Variants in NETO2 observed in about 807,000 individuals in gnomAD.
NETO2 encodes the protein neuropilin and tolloid like 2, also known as neuropilin and tolloid-like protein 2.
Under a neutral mutation model 62.5 loss-of-function variants are expected in NETO2, and 28 were observed. The ratio of observed to expected loss-of-function variants is 0.45; its 90% CI spans 0.33 to 0.61. The LOEUF (loss-of-function observed/expected upper bound fraction) is 0.61, where lower values mean the gene tolerates loss of function less well. Among genes scored for constraint, NETO2 ranks in the 20% least tolerant of loss-of-function variants. The probability of loss-of-function intolerance (pLI) is 0.02; values close to 1 mark genes in which losing one functional copy is unlikely to be tolerated. For synonymous variants in NETO2, 214 were observed against 219.1 expected (o/e 0.98, Z 0.21); for missense variants, 548 against 643.2 (o/e 0.85, Z 1.60).
At chr16:47,114,547 T>C (rs1963871187) in intron 6 of NETO2, among the ~76,000 whole-genome samples, 1 of 145,940 alleles carries the variant, frequency 6.9e-6, no homozygotes, top group African/African-American at 2.5e-5. Flanking sequence ...GCCTCCCGGG[T>C]TCATGCCAGT....
At chr16:47,108,445 A>C (rs1038480782) in intron 7 of NETO2, among the ~76,000 whole-genome samples, 1 of 152,178 alleles carries the variant, frequency 6.6e-6, no homozygotes, top group African/African-American at 2.4e-5. Context: ...CAATAAGACA[A>C]AATGGTACCA....
At chr16:47,125,571 C>T (rs1480943895) in intron 4 of NETO2, among the ~76,000 whole-genome samples, 2 of 152,170 alleles carry the variant, frequency 1.3e-5, no homozygotes, top group Non-Finnish European at 2.9e-5. Flanking sequence ...ATCTCAAACT[C>T]CTGACCTCAT....
At chr16:47,101,813 C>T (rs902519678) in intron 7 of NETO2, among the ~76,000 whole-genome samples, 3 of 152,176 alleles carry the variant, frequency 2.0e-5, no homozygotes, top group Admixed American at 6.5e-5. Flanking sequence ...ACATTCCATG[C>T]TCATGGATAG....
At chr16:47,084,960 C>A (rs1159400493) in intron 8 of NETO2, among the ~76,000 whole-genome samples, 1 of 152,134 alleles carries the variant, frequency 6.6e-6, no homozygotes, top group African/African-American at 2.4e-5. Flanking sequence ...AAACCAACCC[C>A]CCTGCCCCAC....
At position 47,142,627 on chromosome 16, in the gene NETO2, C is replaced by A. The variant is rs1236562862; in HGVS notation, c.34+952G>T. Among the ~76,000 whole-genome samples the A allele has an allele frequency of 2.0e-5, 3 of 152,142 alleles. No homozygotes were observed. In the East Asian group the frequency reaches 5.8e-4, roughly 29 times the overall value. The stretch of plus-strand genomic sequence containing the variant: ...AAACACGTCAGCTTTCAATTTAAAT[C>A]AGCAGGGGGAAAAAGGGAAGTCCTT... On this transcript the variant is annotated intron_variant, in intron 1 of 8. Coordinates refer to ENST00000562435, the MANE Select transcript of NETO2 (RefSeq NM_018092.5).
intron 1 of NETO2, among the ~76,000 whole-genome samples, chr16:47,136,868 TTATGTA>T (rs1207030269): frequency 6.6e-6 from 1 of 151,780 alleles, no homozygotes; most frequent in Non-Finnish European, 1.5e-5. Flanking sequence ...AAAAGGTGAA[TTATGTA>T]TATATTTTGA....
rs750727689 is a variant in NETO2 at position 47,129,249 on chromosome 16, G to A, written c.207C>T (p.Asn69=). Residue 69 remains asparagine (N), a synonymous_variant, in exon 3 of 9, where the codon AAC becomes AAT. Transcript: ENST00000562435. The part of the protein sequence containing the change: ...SPNYPDSYPP[N]KECIYILEAA... ...CTTCCAAAATGTAGATACACTCCTT[G>A]TTTGGTGGATATGAGTCAGGATAAT... The A allele has an allele frequency of 3.1e-6, 5 of 1,613,872 alleles. No individual in the cohort carries two copies. In the Admixed American group the frequency reaches 8.3e-5, roughly 27 times the overall value.
At chr16:47,127,434 T>C (rs926106566) in intron 4 of NETO2, among the ~76,000 whole-genome samples, 4 of 151,456 alleles carry the variant, frequency 2.6e-5, no homozygotes, top group African/African-American at 7.3e-5. Context: ...TATGTATCTA[T>C]ACACACACAC....
chr16:47,078,424 TCTA>T lies in NETO2; in HGVS notation c.*4794_*4796del, dbSNP rs1304688245. ...CCTGGAAGTTCATCTCTAATAAAAA[TCTA>T]CTGCTTTTAAAAAGCTTACACTAGA... On this transcript the variant is annotated 3_prime_UTR_variant, in exon 9 of 9. Transcript: ENST00000562435. The T allele has an allele frequency of 3.9e-5, 6 of 152,214 alleles. No homozygotes were observed. The highest frequency in any genetic ancestry group is 1.4e-4 in the African/African-American group (6 of 41,450). The allele number at this position is 152,214 out of a possible 1,614,324, so 9.4% of individuals were successfully genotyped here.
intron 7 of NETO2, among the ~76,000 whole-genome samples, chr16:47,089,679 A>G (rs1460168195): frequency 6.6e-6 from 1 of 152,202 alleles, no homozygotes; most frequent in Admixed American, 6.5e-5. Context: ...ATGCCATCAT[A>G]TTGAGGGCTG....
Position 47,143,568 on chromosome 16 carries a change from C to T in NETO2, c.34+11G>A. ...GGGGGCGCCGTCCGTGGCCCCAGCC[C>T]CGGTCCTTACCTTTGAGGACCGAGC... On this transcript the variant is annotated intron_variant, in intron 1 of 8. Transcript: ENST00000562435. The T allele has an allele frequency of 8.2e-7, 1 of 1,223,382 alleles. No individual in the cohort carries two copies. 75.8% of individuals were successfully genotyped at this position (1,223,382 alleles called of 1,614,324 possible). A position where few individuals can be genotyped will look rare whatever the true frequency, so the allele number is the denominator to read the frequency against.
intron 6 of NETO2, among the ~76,000 whole-genome samples, chr16:47,121,881 T>C (rs534187322): frequency 6.6e-6 from 1 of 152,320 alleles, no homozygotes; most frequent in South Asian, 2.1e-4. Flanking sequence ...AGCTTACACA[T>C]ATGCTTTTAA....
In NETO2 at chr16:47,080,611, A is replaced by G. The variant is rs2143780876; in HGVS notation, c.*2610T>C. 1 of 152,372 alleles carries G rather than the reference A, an allele frequency of 6.6e-6. No individual in the cohort carries two copies. The highest frequency in any genetic ancestry group is 1.9e-4 in the East Asian group (1 of 5,196). 9.4% of individuals were successfully genotyped at this position (152,372 alleles called of 1,614,324 possible). A position where few individuals can be genotyped will look rare whatever the true frequency, so the allele number is the denominator to read the frequency against. On this transcript the variant is annotated 3_prime_UTR_variant, in exon 9 of 9. Coordinates refer to ENST00000562435, the MANE Select transcript of NETO2 (RefSeq NM_018092.5). ...AAGCATAGAGAAGTTTAATAAATAA[A>G]TGAGATCTAATGCCCATCTATGATT...
At chr16:47,089,181 C>T (rs980917596) in intron 7 of NETO2, among the ~76,000 whole-genome samples, 7 of 152,130 alleles carry the variant, frequency 4.6e-5, no homozygotes, top group African/African-American at 7.2e-5. Context: ...TGTTCACCTG[C>T]GGAGTACTCA....
At chr16:47,134,752 T>C (rs1009054490) in intron 1 of NETO2, among the ~76,000 whole-genome samples, 1 of 152,212 alleles carries the variant, frequency 6.6e-6, no homozygotes, top group African/African-American at 2.4e-5. Flanking sequence ...ACGGCAACTA[T>C]GGCAAAGGGA....
rs1963748423 is a variant in NETO2 at position 47,109,631 on chromosome 16, G to C, written c.735C>G (p.Ser245Arg). Reference sequence around the variant, plus strand: ...TGGCCTTCAGGTTTTCAATAGAACTGCTTCCATCATAGACTGCAACGAAGT... The same window carrying C: ...TGGCCTTCAGGTTTTCAATAGAACTCCTTCCATCATAGACTGCAACGAAGT... ...KRNFVAVYDG[S>R]SSIENLKAKF... The change falls in exon 7 of 9, where the codon AGC becomes AGG. Residue 245 changes from serine to arginine, a missense_variant. Transcript: ENST00000562435. 1.2e-6 allele frequency: 2 copies of C among 1,613,908 alleles called. No individual in the cohort carries two copies. Among genetic ancestry groups the C allele is most frequent in the Non-Finnish European group, 1.7e-6 (2 of 1,179,950 alleles).
intron 4 of NETO2, among the ~76,000 whole-genome samples, chr16:47,127,966 T>C (rs1434670399): frequency 2.0e-5 from 3 of 152,226 alleles, no homozygotes; most frequent in African/African-American, 7.2e-5. Context: ...AGAAAAATCA[T>C]ACAAAACAAT....
At chr16:47,096,594 C>T (rs1038133216) in intron 7 of NETO2, among the ~76,000 whole-genome samples, 3 of 151,912 alleles carry the variant, frequency 2.0e-5, no homozygotes, top group African/African-American at 7.3e-5. Flanking sequence ...CATAATGAAG[C>T]CAAAGAAAAT....
intron 6 of NETO2, among the ~76,000 whole-genome samples, chr16:47,112,244 T>G (rs1276750745): frequency 2.6e-5 from 4 of 152,100 alleles, no homozygotes; most frequent in Admixed American, 6.5e-5. Flanking sequence ...AATGGATATT[T>G]TTCTTAAACA....
Sources: gnomAD v4.1 joint callset for allele counts (sites outside exome capture counted in the v4.1 genomes callset) on GRCh38, gnomAD v4.1.1 for gene constraint, MANE v1.5 for transcripts, NCBI Gene and HGNC (gene_info 2026-07-23, HGNC 2026-07-21) for gene names.